The following CTNNA3 variants were observed in gnomAD, a reference collection of about 807,000 sequenced individuals.
The protein encoded by CTNNA3 is catenin alpha 3, also known as catenin alpha-3.
A neutral mutation model predicts 95.7 loss-of-function variants in CTNNA3; 76 were observed. That is an observed-to-expected ratio of 0.79 (90% confidence interval 0.66 to 0.96). The LOEUF (loss-of-function observed/expected upper bound fraction) is 0.96. Ranked by LOEUF, CTNNA3 falls within the 40% of genes least tolerant of loss-of-function variation. The pLI, the probability that CTNNA3 is intolerant of heterozygous loss-of-function variation, is 0.00. For missense variants in CTNNA3, 1,191 were observed against 1,089.8 expected, an observed-to-expected ratio of 1.09 and a Z score of -1.31; for synonymous variants, 431 against 374.4, an observed-to-expected ratio of 1.15 and a Z score of -1.74.
At chr10:67,556,197 T>C (rs1253583283) in intron 3 of CTNNA3, among the ~76,000 whole-genome samples, 2 of 152,092 alleles carry the variant, frequency 1.3e-5, no homozygotes, top group Admixed American at 1.3e-4. Flanking sequence ...TTCATCAGGG[T>C]TATTGGCCTA....
At chr10:66,164,551 CT>C (rs2085025644) in intron 13 of CTNNA3, among the ~76,000 whole-genome samples, 1 of 151,764 alleles carries the variant, frequency 6.6e-6, no homozygotes, top group Non-Finnish European at 1.5e-5. Context: ...CCCTCTTCCC[CT>C]CAGACACATA....
At chr10:66,154,599 G>C (rs1228589536) in intron 13 of CTNNA3, among the ~76,000 whole-genome samples, 1 of 150,734 alleles carries the variant, frequency 6.6e-6, no homozygotes, top group Non-Finnish European at 1.5e-5. Flanking sequence ...TACTCACAAT[G>C]ACAGTGGCTT....
At chr10:65,939,317 G>A (rs151311720) in intron 17 of CTNNA3, among the ~76,000 whole-genome samples, 1 of 152,290 alleles carries the variant, frequency 6.6e-6, no homozygotes, top group Non-Finnish European at 1.5e-5. Flanking sequence ...TCTTTGTGCA[G>A]TATGCAGGTT....
In CTNNA3 at chr10:66,722,285, G is replaced by A. The variant is rs1033043622; in HGVS notation, c.1281+43979C>T. Reference sequence around the variant, plus strand: ...CCCAGCTACTGAGGAGGCTGAGGCAGGAGAAGGATGTGAACCTGGGAGGCG... The same window carrying A: ...CCCAGCTACTGAGGAGGCTGAGGCAAGAGAAGGATGTGAACCTGGGAGGCG... On this transcript the variant is annotated intron_variant, in intron 9 of 17. Coordinates refer to ENST00000433211, the MANE Select transcript of CTNNA3 (RefSeq NM_013266.4). Among the ~76,000 whole-genome samples, 11 of 151,868 alleles carry A rather than the reference G, an allele frequency of 7.2e-5. 1 individual carries two copies. The highest frequency in any genetic ancestry group is 5.9e-4 in the Admixed American group (9 of 15,252).
At chr10:67,427,611 A>AAT (rs1349276557) in intron 5 of CTNNA3, among the ~76,000 whole-genome samples, 1 of 152,012 alleles carries the variant, frequency 6.6e-6, no homozygotes, top group African/African-American at 2.4e-5. Flanking sequence ...TGTGTATATG[A>AAT]ATATATATAA....
chr10:66,914,129 T>G (rs1846357829), intron 7 of CTNNA3, among the ~76,000 whole-genome samples: 1 of 90,406 alleles, frequency 1.1e-5, no homozygotes, highest in Admixed American at 1.7e-4. Flanking sequence ...CAGGGTGCCT[T>G]CTTTTTTTTT....
At chr10:66,558,191 T>A (rs558561583) in intron 10 of CTNNA3, among the ~76,000 whole-genome samples, 1 of 152,272 alleles carries the variant, frequency 6.6e-6, no homozygotes, top group South Asian at 2.1e-4. Flanking sequence ...GCTAGGTTTC[T>A]GGGCTTGACC....
intron 15 of CTNNA3, among the ~76,000 whole-genome samples, chr10:66,034,588 G>T (rs1055973431): frequency 6.6e-6 from 1 of 152,066 alleles, no homozygotes; most frequent in African/African-American, 2.4e-5. Context: ...ACCTTTATTT[G>T]TATAATTTCT....
chr10:66,633,046 T>C (rs1018854737), intron 9 of CTNNA3, among the ~76,000 whole-genome samples: 2 of 152,160 alleles, frequency 1.3e-5, no homozygotes, highest in African/African-American at 4.8e-5. Flanking sequence ...TATTATCCAA[T>C]ACTGCTGAGA....
At chr10:66,519,860 A>G (rs1276948891) in intron 11 of CTNNA3, among the ~76,000 whole-genome samples, 1 of 152,066 alleles carries the variant, frequency 6.6e-6, no homozygotes, top group Non-Finnish European at 1.5e-5. Flanking sequence ...AAACTTCCCA[A>G]ATTGACTGAG....
At chr10:66,942,567 T>C (rs1374407962) in intron 7 of CTNNA3, among the ~76,000 whole-genome samples, 2 of 151,878 alleles carry the variant, frequency 1.3e-5, no homozygotes, top group Non-Finnish European at 2.9e-5. Flanking sequence ...TCTCTCTCTC[T>C]CTCTCTCTCT....
chr10:66,649,861 C>A (rs373069451), intron 9 of CTNNA3, among the ~76,000 whole-genome samples: 4 of 152,172 alleles, frequency 2.6e-5, no homozygotes, highest in African/African-American at 9.7e-5. Context: ...CAGGCCAGCA[C>A]CTTGGGACCC....
chr10:66,725,426 G>A (rs1455374199), intron 9 of CTNNA3, among the ~76,000 whole-genome samples: 1 of 152,020 alleles, frequency 6.6e-6, no homozygotes, highest in South Asian at 2.1e-4. Flanking sequence ...AAATTAAGGG[G>A]TTTACCTTTA....
chr10:67,539,993 A>G (rs1406036589), intron 3 of CTNNA3, among the ~76,000 whole-genome samples: 1 of 152,202 alleles, frequency 6.6e-6, no homozygotes, highest in African/African-American at 2.4e-5. Flanking sequence ...CTAAAGCTTC[A>G]ATCATAAACA....
chr10:66,730,182 A>G (rs1049388084), intron 9 of CTNNA3, among the ~76,000 whole-genome samples: 44 of 152,276 alleles, frequency 2.9e-4, no homozygotes, highest in African/African-American at 1.0e-3. Flanking sequence ...TCACAATAAC[A>G]AAGACATGGA....
chr10:67,220,402 G>A lies in CTNNA3; in HGVS notation c.580-532C>T, dbSNP rs558786061. Among the ~76,000 whole-genome samples the A allele has an allele frequency of 6.6e-5, 10 of 152,130 alleles. No individual in the cohort carries two copies. In the East Asian group the frequency reaches 1.7e-3, roughly 26 times the overall value. On this transcript the variant is annotated intron_variant, in intron 5 of 17. Transcript: ENST00000433211. ...GATATTTATTCAACAATTAGTTACT[G>A]AGCACTTAGCATATTCTAGCCCTTG...
intron 12 of CTNNA3, among the ~76,000 whole-genome samples, chr10:66,303,779 G>C (rs975144871): frequency 6.6e-6 from 1 of 152,054 alleles, no homozygotes; most frequent in Non-Finnish European, 1.5e-5. Context: ...ATTTTTAGTA[G>C]AGACAGGGTT....
At chr10:67,588,273 T>A (rs1014567022) in intron 3 of CTNNA3, among the ~76,000 whole-genome samples, 1 of 152,158 alleles carries the variant, frequency 6.6e-6, no homozygotes, top group African/African-American at 2.4e-5. Flanking sequence ...TCCTTTAGGT[T>A]TAGGTTTCCT....
At chr10:66,582,899 A>T (rs1843236861) in intron 10 of CTNNA3, among the ~76,000 whole-genome samples, 1 of 151,580 alleles carries the variant, frequency 6.6e-6, no homozygotes, top group Admixed American at 6.6e-5. Flanking sequence ...AAATGATCAT[A>T]TATTTATTTA....
Sources: allele counts gnomAD v4.1 joint callset (sites outside exome capture counted in the v4.1 genomes callset), GRCh38; gene constraint gnomAD v4.1.1; transcripts MANE v1.5; gene names NCBI Gene and HGNC (gene_info 2026-07-23, HGNC 2026-07-21).